Variants in EEF2K observed in about 807,000 individuals in gnomAD.
EEF2K encodes alternative protein EEF2K.
EEF2K carries 70 observed loss-of-function variants against 93.8 expected under a neutral mutation model. The observed-to-expected ratio is 0.75, with a 90% CI of 0.62 to 0.91. The LOEUF is 0.91. Among genes scored for constraint, EEF2K ranks in the 40% least tolerant of loss-of-function variants. EEF2K has a pLI of 0.00. For missense variants in EEF2K, 935 were observed against 972.9 expected (o/e 0.96, Z 0.52); for synonymous variants, 376 against 380.8 (o/e 0.99, Z 0.15).
intron 2 of EEF2K, among the ~76,000 whole-genome samples, chr16:22,237,584 C>G (rs1264205571): frequency 2.0e-5 from 3 of 151,150 alleles, no homozygotes; most frequent in Non-Finnish European, 4.4e-5. Context: ...CATTACTGCA[C>G]TGCAGGCTGC....
At chr16:22,281,247 C>CT in intron 17 of EEF2K, among the ~76,000 whole-genome samples, 1 of 152,104 alleles carries the variant, frequency 6.6e-6, no homozygotes, top group East Asian at 1.9e-4. Context: ...TTCTTTCTTT[C>CT]TTTTTTCTTT....
Position 22,237,299 on chromosome 16 carries a change from G to T in EEF2K, c.247-7331G>T, listed in dbSNP as rs1252134837. Among the ~76,000 whole-genome samples, 3 of 151,816 alleles carry T rather than the reference G, an allele frequency of 2.0e-5. No homozygotes were observed. In the East Asian group the frequency reaches 5.8e-4, roughly 29 times the overall value. ...TAACCTACTCAACAACTGAGTTCCG[G>T]AATCCTTAGAAATAGAGGATATTAG... is the stretch of plus-strand genomic sequence containing the variant. On this transcript the variant is annotated intron_variant, in intron 2 of 17. Transcript: ENST00000263026.
At chr16:22,274,121 C>T (rs897636278) in intron 16 of EEF2K, among the ~76,000 whole-genome samples, 1 of 152,062 alleles carries the variant, frequency 6.6e-6, no homozygotes, top group Non-Finnish European at 1.5e-5. Flanking sequence ...GGCTTGCCAA[C>T]ATGGTGAAAC....
At chr16:22,221,631 CTG>C (rs1223406904) in intron 1 of EEF2K, among the ~76,000 whole-genome samples, 2 of 152,168 alleles carry the variant, frequency 1.3e-5, no homozygotes, top group Non-Finnish European at 2.9e-5. Context: ...CTCTAGAAGA[CTG>C]TGCACCTGAT....
chr16:22,260,335 C>A, intron 10 of EEF2K, 127 bp from the exon 11 acceptor site: 2 of 847,658 alleles, frequency 2.4e-6, no homozygotes, highest in South Asian at 1.7e-5. Context: ...CTTTTTTGTG[C>A]CTTTCTTTAA....
intron 17 of EEF2K, 121 bp downstream of exon 17, chr16:22,280,497 G>A: frequency 8.9e-7 from 1 of 1,127,902 alleles, no homozygotes; most frequent in Non-Finnish European, 1.2e-6. Flanking sequence ...CCAGGGAGGG[G>A]AATTTATGGA....
At chr16:22,223,509 C>A (rs1191907132) in intron 1 of EEF2K, among the ~76,000 whole-genome samples, 2 of 152,076 alleles carry the variant, frequency 1.3e-5, no homozygotes, top group African/African-American at 4.8e-5. Context: ...AGAGTGTTTT[C>A]TAATTTCTTA....
intron 1 of EEF2K, among the ~76,000 whole-genome samples, chr16:22,213,044 C>T (rs539319571): frequency 1.2e-4 from 18 of 152,058 alleles, no homozygotes; most frequent in African/African-American, 3.4e-4. Flanking sequence ...CTTTGGGAGG[C>T]GGAGATGGGT....
chr16:22,212,303 G>A (rs1486181759), intron 1 of EEF2K, among the ~76,000 whole-genome samples: 2 of 151,966 alleles, frequency 1.3e-5, no homozygotes, highest in East Asian at 1.9e-4. Flanking sequence ...TGTTTACATC[G>A]GTAAGTTGAT....
chr16:22,234,320 G>C (rs1006413303), intron 2 of EEF2K, among the ~76,000 whole-genome samples: 2 of 152,274 alleles, frequency 1.3e-5, no homozygotes, highest in East Asian at 3.9e-4. Flanking sequence ...GCCTTGGGAG[G>C]CCGAGGCTGG....
intron 2 of EEF2K, among the ~76,000 whole-genome samples, chr16:22,229,882 C>T (rs1265966366): frequency 6.6e-6 from 1 of 152,164 alleles, no homozygotes; most frequent in African/African-American, 2.4e-5. Context: ...AAATAATCTT[C>T]CATAACTTCT....
chr16:22,208,157 G>T (rs770564875), intron 1 of EEF2K, among the ~76,000 whole-genome samples: 1 of 152,240 alleles, frequency 6.6e-6, no homozygotes, highest in Non-Finnish European at 1.5e-5. Flanking sequence ...TGCAGGGAAT[G>T]GGGAGGCCAG....
intron 1 of EEF2K, among the ~76,000 whole-genome samples, chr16:22,220,058 T>C (rs911939896): frequency 6.6e-6 from 1 of 152,228 alleles, no homozygotes; most frequent in South Asian, 2.1e-4. Flanking sequence ...GTCTGGGAAA[T>C]GTATCCTGAG....
At chr16:22,246,442 G>C (rs1018711572) in intron 3 of EEF2K, among the ~76,000 whole-genome samples, 1 of 149,988 alleles carries the variant, frequency 6.7e-6, no homozygotes, top group Non-Finnish European at 1.5e-5. Flanking sequence ...TTGAACCCTG[G>C]GAGACAGAGG....
At chr16:22,280,663 C>CTT (rs11289061) in intron 17 of EEF2K, among the ~76,000 whole-genome samples, 75 of 130,174 alleles carry the variant, frequency 5.8e-4, no homozygotes, top group Non-Finnish European at 7.5e-4. Context: ...TCCTTTCTTT[C>CTT]TTTTTTTTTT....
chr16:22,241,059 C>T (rs1394971582), intron 2 of EEF2K, among the ~76,000 whole-genome samples: 2 of 152,058 alleles, frequency 1.3e-5, no homozygotes, highest in African/African-American at 4.8e-5. Flanking sequence ...TGAGCCACCG[C>T]GCCCGGCCTA....
intron 1 of EEF2K, among the ~76,000 whole-genome samples, chr16:22,218,493 G>T (rs1212834293): frequency 6.6e-6 from 1 of 152,190 alleles, no homozygotes; most frequent in Non-Finnish European, 1.5e-5. Context: ...GGCTTGACCC[G>T]CAGGCCTTGA....
chr16:22,244,297 G>A (rs1398033286), intron 2 of EEF2K, among the ~76,000 whole-genome samples: 2 of 151,032 alleles, frequency 1.3e-5, no homozygotes, highest in Admixed American at 1.3e-4. Context: ...GTGTGTGTGT[G>A]TGTGTGTGTG....
chr16:22,220,137 TG>T (rs1429870288), intron 1 of EEF2K, among the ~76,000 whole-genome samples: 2 of 152,192 alleles, frequency 1.3e-5, no homozygotes, highest in African/African-American at 4.8e-5. Context: ...GAACAGCTAT[TG>T]GGGGATAGTT....
Sources: gnomAD v4.1 joint callset for allele counts (sites outside exome capture counted in the v4.1 genomes callset) on GRCh38, gnomAD v4.1.1 for gene constraint, MANE v1.5 for transcripts, NCBI Gene and HGNC (gene_info 2026-07-23, HGNC 2026-07-21) for gene names.